The following NOX4 variants were observed in gnomAD, a reference collection of about 807,000 sequenced individuals.
NOX4 encodes NADPH oxidase 4, also known as kidney oxidase-1.
In NOX4, 69 loss-of-function variants were observed where a neutral mutation model predicts 87.6. The observed-to-expected ratio is 0.79, with a 90% CI of 0.65 to 0.96. The LOEUF (loss-of-function observed/expected upper bound fraction) is 0.96, where lower values mean the gene tolerates loss of function less well. Among genes scored for constraint, NOX4 ranks in the 40% least tolerant of loss-of-function variants. NOX4 has a pLI of 0.00. For missense variants in NOX4, 680 were observed against 681.5 expected (o/e 1.00, Z 0.02); for synonymous variants, 275 against 238.2 (o/e 1.15, Z -1.42).
chr11:89,566,667 C>T, the NOX4 span, among the ~76,000 whole-genome samples: 1 of 152,024 alleles, frequency 6.6e-6, no homozygotes, highest in Non-Finnish European at 1.5e-5. Flanking sequence ...TGAAAACAGA[C>T]CATCATGAAG....
the NOX4 span, among the ~76,000 whole-genome samples, chr11:89,585,395 C>A: frequency 2.0e-5 from 3 of 152,120 alleles, no homozygotes; most frequent in African/African-American, 7.2e-5. Context: ...TAATTCCTTG[C>A]ATTAATTATA....
intron 13 of NOX4, among the ~76,000 whole-genome samples, chr11:89,348,437 G>A (rs1308076404): frequency 6.6e-6 from 1 of 150,414 alleles, no homozygotes; most frequent in South Asian, 2.1e-4. Context: ...AAAAACCTAT[G>A]TCTCTAAAAA....
chr11:89,439,576 G>A (rs1036279633), intron 6 of NOX4, among the ~76,000 whole-genome samples: 3 of 152,090 alleles, frequency 2.0e-5, no homozygotes, highest in Admixed American at 1.3e-4. Context: ...AGTCCCATGT[G>A]CAATTCCAAT....
chr11:89,386,746 A>T (rs1292973585), intron 11 of NOX4, among the ~76,000 whole-genome samples: 1 of 152,108 alleles, frequency 6.6e-6, no homozygotes, highest in Non-Finnish European at 1.5e-5. Flanking sequence ...GCTGTATGAC[A>T]ACATAAAAAA....
At position 89,451,793 on chromosome 11, in the gene NOX4, A is replaced by G. The variant is rs141296444; in HGVS notation, c.256T>C (p.Ser86Pro). 3.3e-4 allele frequency: 524 copies of G among 1,609,742 alleles called. 6 individuals are homozygous for G. In the South Asian group the frequency reaches 5.4e-3, roughly 17 times the overall value. The change falls in exon 3 of 18, where the codon TCA becomes CCA. Residue 86 changes from serine (S) to proline (P), a missense_variant. Coordinates refer to ENST00000263317, the MANE Select transcript of NOX4 (RefSeq NM_016931.5). ...GGACTGTTTTTTCTTACCTTCTGTGATCCTCGGAGGTAAGCCAAGAGTGTT... is the reference window on the plus strand; with the variant it reads ...GGACTGTTTTTTCTTACCTTCTGTGGTCCTCGGAGGTAAGCCAAGAGTGTT... Reference protein sequence around the residue: ...CRTLLAYLRGSQKVPSRRTRR... With the variant: ...CRTLLAYLRGPQKVPSRRTRR...
At chr11:89,505,228 T>C in the NOX4 span, among the ~76,000 whole-genome samples, 1 of 151,918 alleles carries the variant, frequency 6.6e-6, no homozygotes, top group Non-Finnish European at 1.5e-5. Context: ...ATCATTAATG[T>C]CTGTCTTCCC....
At chr11:89,440,806 T>C (rs1030534744) in intron 5 of NOX4, 91 bp from the exon 6 acceptor site, 7 of 652,842 alleles carry the variant, frequency 1.1e-5, no homozygotes, top group Non-Finnish European at 2.6e-6. Flanking sequence ...ACAAACCACA[T>C]ACTTGTCATG....
intron 8 of NOX4, among the ~76,000 whole-genome samples, chr11:89,403,257 A>T (rs1465254936): frequency 2.6e-5 from 4 of 152,196 alleles, no homozygotes; most frequent in Non-Finnish European, 5.9e-5. Flanking sequence ...TCTTGTCAAG[A>T]AGTGGTTAAC....
chr11:89,335,732 A>C (rs2135373492), intron 17 of NOX4, 113 bp downstream of exon 17: 1 of 525,822 alleles, frequency 1.9e-6, no homozygotes, highest in South Asian at 3.5e-5. Context: ...GTTTCAGTGA[A>C]TTTGTCATTG....
intron 13 of NOX4, among the ~76,000 whole-genome samples, chr11:89,343,911 T>C (rs1344385432): frequency 6.6e-6 from 1 of 152,000 alleles, no homozygotes; most frequent in Non-Finnish European, 1.5e-5. Context: ...CACTCAAAAG[T>C]ATATAAACAT....
chr11:89,423,417 A>G (rs1232965961), intron 7 of NOX4, among the ~76,000 whole-genome samples: 1 of 152,142 alleles, frequency 6.6e-6, no homozygotes. Context: ...AGATAGACCT[A>G]CATTTGCTTA....
intron 6 of NOX4, among the ~76,000 whole-genome samples, chr11:89,440,137 T>C (rs1208155835): frequency 1.3e-5 from 2 of 152,202 alleles, no homozygotes; most frequent in African/African-American, 4.8e-5. Flanking sequence ...CAGTGAAATG[T>C]ATTTGCTTAT....
intron 12 of NOX4, among the ~76,000 whole-genome samples, chr11:89,358,386 C>CAA (rs10558391): frequency 1.0e-4 from 8 of 78,158 alleles, no homozygotes; most frequent in Admixed American, 5.8e-4. Flanking sequence ...AACTTAATCT[C>CAA]AAAAAAAAAA....
At chr11:89,401,687 C>T (rs1421658339) in intron 9 of NOX4, among the ~76,000 whole-genome samples, 1 of 152,102 alleles carries the variant, frequency 6.6e-6, no homozygotes, top group Non-Finnish European at 1.5e-5. Flanking sequence ...GCATATTAGT[C>T]AAAGACCTGG....
At chr11:89,494,248 G>A (rs1408427058), upstream of NOX4, among the ~76,000 whole-genome samples, 1 of 152,094 alleles carries the variant, frequency 6.6e-6, no homozygotes, top group Admixed American at 6.6e-5. Flanking sequence ...TGAAATAATG[G>A]TAAGCTAGTA....
At chr11:89,427,196 G>C (rs571510983) in intron 7 of NOX4, among the ~76,000 whole-genome samples, 1 of 152,234 alleles carries the variant, frequency 6.6e-6, no homozygotes, top group South Asian at 2.1e-4. Context: ...AAACAGAAAA[G>C]ACATCCACAC....
intron 8 of NOX4, among the ~76,000 whole-genome samples, chr11:89,406,404 C>A (rs1942185648): frequency 1.3e-5 from 2 of 152,014 alleles, no homozygotes; most frequent in African/African-American, 2.4e-5. Context: ...AGAATGAAAT[C>A]TTCTCAAATG....
At position 89,490,552 on chromosome 11, in the gene NOX4, A is replaced by C; in HGVS notation, c.59T>G (p.Phe20Cys). 6.2e-7 allele frequency: 1 copy of C among 1,612,470 alleles called. No homozygotes were observed. The highest frequency in any genetic ancestry group is 8.5e-7 in the Non-Finnish European group (1 of 1,178,556). ...ANEGVKHLCLFIWLSMNVLLF... is the reference protein window; with the variant it reads ...ANEGVKHLCLCIWLSMNVLLF... Reference sequence around the variant, plus strand: ...CAGGACATTCATGGAGAGCCAGATGAACTAAACCAATCAGACATGAGAGAC... The same window carrying C: ...CAGGACATTCATGGAGAGCCAGATGCACTAAACCAATCAGACATGAGAGAC... The change falls in exon 2 of 18, where the codon TTC becomes TGC. Residue 20 changes from phenylalanine to cysteine, a missense_variant and splice_region_variant. Transcript: ENST00000263317.
At chr11:89,433,403 C>G (rs543261986) in intron 6 of NOX4, among the ~76,000 whole-genome samples, 1 of 152,046 alleles carries the variant, frequency 6.6e-6, no homozygotes, top group East Asian at 1.9e-4. Context: ...TAAAAGTATA[C>G]ACTAAACATC....
Sources: gnomAD v4.1 joint callset for allele counts (sites outside exome capture counted in the v4.1 genomes callset) on GRCh38, gnomAD v4.1.1 for gene constraint, MANE v1.5 for transcripts, NCBI Gene and HGNC (gene_info 2026-07-23, HGNC 2026-07-21) for gene names.